ADCY8: variants seen among roughly 807,000 people sequenced by gnomAD.
The protein encoded by ADCY8 is adenylate cyclase type 8.
Under a neutral mutation model 119.7 loss-of-function variants are expected in ADCY8, and 51 were observed. That is an observed-to-expected ratio of 0.43 (90% CI 0.34 to 0.54). The LOEUF (loss-of-function observed/expected upper bound fraction) is 0.54. Ranked by LOEUF, ADCY8 falls within the 20% of genes least tolerant of loss-of-function variation. ADCY8 has a pLI of 0.03. For missense variants in ADCY8, 1,383 were observed against 1,598.8 expected (o/e 0.87, Z 2.30); for synonymous variants, 665 against 651.0 (o/e 1.02, Z -0.33).
At chr8:130,872,504 T>C (rs992198835) in intron 8 of ADCY8, among the ~76,000 whole-genome samples, 3 of 152,210 alleles carry the variant, frequency 2.0e-5, no homozygotes, top group African/African-American at 7.2e-5. Flanking sequence ...ATTTCAGTGA[T>C]GCAATTTATG....
chr8:130,998,595 T>C (rs1333782919), intron 1 of ADCY8, among the ~76,000 whole-genome samples: 4 of 152,122 alleles, frequency 2.6e-5, no homozygotes, highest in Admixed American at 2.6e-4. Flanking sequence ...TGACCTACCA[T>C]CTGTGTTTCA....
At chr8:130,936,935 G>A in intron 5 of ADCY8, 138 bp downstream of exon 5, 1 of 1,063,644 alleles carries the variant, frequency 9.4e-7, no homozygotes. Flanking sequence ...GGAGAACTAA[G>A]GGGCACACAG....
At chr8:130,918,647 T>C (rs1820203058) in intron 5 of ADCY8, among the ~76,000 whole-genome samples, 1 of 152,220 alleles carries the variant, frequency 6.6e-6, no homozygotes, top group African/African-American at 2.4e-5. Context: ...TTAGAACTGT[T>C]TGAGGGATGT....
Position 130,830,578 on chromosome 8 carries a change from C to T in ADCY8, c.2675+5699G>A, listed in dbSNP as rs552508564. On this transcript the variant is annotated intron_variant, in intron 12 of 17. Transcript: ENST00000286355. ...CTTTCTTTTGCCTATTAAATCTCCA[C>T]TCCTACACCCCTCATGTGTGTCCAT... Among the ~76,000 whole-genome samples the T allele has an allele frequency of 5.9e-5, 9 of 152,288 alleles. No individual in the cohort carries two copies. In the South Asian group the frequency reaches 6.2e-4, roughly 11 times the overall value.
At chr8:131,036,485 C>T (rs1186761502) in intron 1 of ADCY8, among the ~76,000 whole-genome samples, 2 of 152,192 alleles carry the variant, frequency 1.3e-5, no homozygotes, top group African/African-American at 2.4e-5. Context: ...TTGTTGAGTA[C>T]CTGCTATATG....
intron 3 of ADCY8, among the ~76,000 whole-genome samples, chr8:130,946,918 A>C (rs1230351072): frequency 6.6e-6 from 1 of 152,220 alleles, no homozygotes; most frequent in African/African-American, 2.4e-5. Context: ...GGTTTAAGTC[A>C]TAGTTGTACA....
intron 3 of ADCY8, among the ~76,000 whole-genome samples, chr8:130,950,447 T>C (rs1190017487): frequency 3.3e-5 from 5 of 151,836 alleles, no homozygotes; most frequent in Non-Finnish European, 4.4e-5. Context: ...GTTTGGGGGC[T>C]GGTTTGGGGA....
At chr8:130,824,645 G>A (rs1423506157) in intron 12 of ADCY8, among the ~76,000 whole-genome samples, 1 of 152,146 alleles carries the variant, frequency 6.6e-6, no homozygotes, top group Non-Finnish European at 1.5e-5. Context: ...ATGTTATTTG[G>A]CTTTGACTCT....
At chr8:130,919,877 T>TGG (rs1820247496) in intron 5 of ADCY8, among the ~76,000 whole-genome samples, 1 of 152,178 alleles carries the variant, frequency 6.6e-6, no homozygotes, top group South Asian at 2.1e-4. Context: ...TGAAGTCACT[T>TGG]CAACTATCCT....
At chr8:130,954,420 G>T (rs11995439) in intron 2 of ADCY8, among the ~76,000 whole-genome samples, 16,875 of 152,186 alleles carry the variant, frequency 0.11, 3,133 homozygotes, top group African/African-American at 0.38. Flanking sequence ...CTATCCCATG[G>T]ATTCTGTGAT....
chr8:130,822,105 TTAAG>T (rs1207998407), intron 12 of ADCY8, among the ~76,000 whole-genome samples: 3 of 152,126 alleles, frequency 2.0e-5, no homozygotes, highest in African/African-American at 7.2e-5. Flanking sequence ...CCTTGAAACA[TTAAG>T]TAAGAGAAAT....
intron 1 of ADCY8, among the ~76,000 whole-genome samples, chr8:131,037,997 A>G (rs1824216246): frequency 6.6e-6 from 1 of 152,190 alleles, no homozygotes; most frequent in Admixed American, 6.5e-5. Flanking sequence ...AATCACAGGC[A>G]TGTAATTTAT....
chr8:130,831,428 A>G (rs1323994174), intron 12 of ADCY8, among the ~76,000 whole-genome samples: 8 of 152,230 alleles, frequency 5.3e-5, no homozygotes, highest in Non-Finnish European at 2.9e-5. Flanking sequence ...ACACTTAAGT[A>G]CACAGATTGG....
At chr8:130,916,709 C>T (rs1415014862) in intron 5 of ADCY8, among the ~76,000 whole-genome samples, 1 of 152,260 alleles carries the variant, frequency 6.6e-6, no homozygotes, top group Non-Finnish European at 1.5e-5. Flanking sequence ...AAAGCATGAG[C>T]GATCTGTGCC....
intron 2 of ADCY8, among the ~76,000 whole-genome samples, chr8:130,967,166 G>A (rs1821787080): frequency 6.6e-6 from 1 of 152,178 alleles, no homozygotes; most frequent in Admixed American, 6.5e-5. Flanking sequence ...GTTTCTAAAA[G>A]CCAATTGTGA....
chr8:130,890,242 C>G (rs1048211375), intron 7 of ADCY8, among the ~76,000 whole-genome samples: 4 of 151,776 alleles, frequency 2.6e-5, no homozygotes, highest in African/African-American at 9.7e-5. Flanking sequence ...TGGAGATATA[C>G]CTAATGTAAA....
At position 131,040,379 on chromosome 8, in the gene ADCY8, C is replaced by A; in HGVS notation, c.-46G>T. On this transcript the variant is annotated 5_prime_UTR_variant, in exon 1 of 18. Transcript: ENST00000286355. The stretch of plus-strand genomic sequence containing the variant: ...GAGGCCCAGAACCTTGGGGAGGCAG[C>A]CGGAGGAGGGGTTCCTAAAGACTCA... 1 of 1,441,876 alleles carries A rather than the reference C, an allele frequency of 6.9e-7. No individual in the cohort carries two copies. The highest frequency in any genetic ancestry group is 9.1e-7 in the Non-Finnish European group (1 of 1,104,338). The allele number at this position is 1,441,876 out of a possible 1,614,324, so 89.3% of individuals were successfully genotyped here.
rs10572208 is a variant in ADCY8 at position 130,926,940 on chromosome 8, C to CATATATATATATATATATATATATATAT, written c.1481+10132_1481+10133insATATATATATATATATATATATATATAT. The stretch of plus-strand genomic sequence containing the variant: ...TTTATGGTGTAATAGTATTCCATTA[C>CATATATATATATATATATATATATATAT]ATATATATATATATATATATACACA... On this transcript the variant is annotated intron_variant, in intron 5 of 17. Coordinates refer to ENST00000286355, the MANE Select transcript of ADCY8 (RefSeq NM_001115.3). Among the ~76,000 whole-genome samples, 135 of 145,018 alleles carry CATATATATATATATATATATATATATAT rather than the reference C, an allele frequency of 9.3e-4. 2 individuals are homozygous for CATATATATATATATATATATATATATAT. Among genetic ancestry groups the CATATATATATATATATATATATATATAT allele is most frequent in the African/African-American group, 3.4e-3 (130 of 38,072 alleles).
In ADCY8 at chr8:130,785,376, C is replaced by T. The variant is rs766321520; in HGVS notation, c.3153+7G>A. 6.2e-7 allele frequency: 1 copy of T among 1,602,700 alleles called. No individual in the cohort carries two copies. ...TGCATTGTGGCTGAGTCCAAAGAGT[C>T]CTTTACCTGTTTTTCAGGTGACAGG... is the stretch of plus-strand genomic sequence containing the variant. On this transcript the variant is annotated splice_region_variant and intron_variant, in intron 16 of 17. Coordinates refer to ENST00000286355, the MANE Select transcript of ADCY8 (RefSeq NM_001115.3).
Sources: gnomAD v4.1 joint callset for allele counts (sites outside exome capture counted in the v4.1 genomes callset) on GRCh38, gnomAD v4.1.1 for gene constraint, MANE v1.5 for transcripts, NCBI Gene and HGNC (gene_info 2026-07-23, HGNC 2026-07-21) for gene names.